The following GCNA variants were observed in gnomAD, a reference collection of about 807,000 sequenced individuals.
GCNA encodes the protein germ cell nuclear acidic peptidase.
Under a neutral mutation model 38.8 loss-of-function variants are expected in GCNA, and 3 were observed. The observed-to-expected ratio is 0.08, with a 90% CI of 0.04 to 0.20. The LOEUF (loss-of-function observed/expected upper bound fraction) is 0.20, where lower values mean the gene tolerates loss of function less well. Among genes scored for constraint, GCNA ranks in the 10% least tolerant of loss-of-function variants. The pLI is 1.00. For synonymous variants in GCNA, 195 were observed against 240.2 expected, an observed-to-expected ratio of 0.81 and a Z score of 1.74; for missense variants, 446 against 578.6, an observed-to-expected ratio of 0.77 and a Z score of 2.35.
chrX:71,585,695 GTTT>G (rs1412791012), intron 2 of GCNA, among the ~76,000 whole-genome samples: 4 of 108,925 alleles, frequency 3.7e-5, no homozygotes, highest in Non-Finnish European at 7.6e-5. Context: ...CTGTTAGCTT[GTTT>G]TTTACTTTGG....
chrX:71,601,174 T>C (rs1304067247), intron 7 of GCNA, among the ~76,000 whole-genome samples: 1 of 111,060 alleles, frequency 9.0e-6, no homozygotes, highest in Non-Finnish European at 1.9e-5. Context: ...TGAAACCCCG[T>C]CTCTACTAAA....
At chrX:71,601,128 G>A (rs2040711134) in intron 7 of GCNA, among the ~76,000 whole-genome samples, 1 of 111,578 alleles carries the variant, frequency 9.0e-6, no homozygotes, top group South Asian at 3.8e-4. Context: ...GGCGGATCAC[G>A]AGGTCAAGAG....
chrX:71,598,178 C>T lies in GCNA; in HGVS notation c.310+140C>T, dbSNP rs2040686445. On this transcript the variant is annotated intron_variant, in intron 7 of 12. Transcript: ENST00000373696. The stretch of plus-strand genomic sequence containing the variant: ...GCCACCGTTTCTTTCCTCGTATGTG[C>T]TGGCTGTGGATATGGCCGGGTTCCC... The T allele has an allele frequency of 6.5e-6, 3 of 458,369 alleles. No individual in the cohort carries two copies. The South Asian group carries it at 1.1e-4, about 16-fold the overall frequency. 37.8% of individuals were successfully genotyped at this position (458,369 alleles called of 1,213,427 possible).
chrX:71,597,081 G>A (rs1018747950), intron 6 of GCNA, among the ~76,000 whole-genome samples: 1 of 111,071 alleles, frequency 9.0e-6, no homozygotes, highest in Non-Finnish European at 1.9e-5. Flanking sequence ...GATGAGTGAG[G>A]AGGAGTGAAT....
chrX:71,579,118 T>C lies in GCNA; in HGVS notation c.-3+596T>C, dbSNP rs904091940. ...GAGCGTGTGGTGGCGCCAGTGGCTA[T>C]GTAGGAATACGTGGCGCCGGTGGCG... On this transcript the variant is annotated intron_variant, in intron 1 of 12. Coordinates refer to ENST00000373696, the MANE Select transcript of GCNA (RefSeq NM_052957.5). Among the ~76,000 whole-genome samples, 3 of 101,523 alleles carry C rather than the reference T, an allele frequency of 3.0e-5. No individual in the cohort carries two copies. In the Admixed American group the frequency reaches 3.1e-4, roughly 10 times the overall value. The allele number at this position is 101,523 out of a possible 115,157, so 88.2% of individuals were successfully genotyped here. A position where few individuals can be genotyped will look rare whatever the true frequency, so the allele number is the denominator to read the frequency against.
At chrX:71,589,273 CT>C (rs1486368214) in intron 2 of GCNA, among the ~76,000 whole-genome samples, 1 of 103,338 alleles carries the variant, frequency 9.7e-6, no homozygotes. Context: ...TGCATATATT[CT>C]TTTTTTTTAA....
intron 1 of GCNA, among the ~76,000 whole-genome samples, chrX:71,579,075 G>C (rs1024273170): frequency 9.3e-6 from 1 of 106,962 alleles, no homozygotes; most frequent in Non-Finnish European, 1.9e-5. Context: ...GGAAGTGGGA[G>C]CGCTGGTGGT....
chrX:71,602,142 A>G (rs761428634), intron 7 of GCNA, among the ~76,000 whole-genome samples: 3 of 111,819 alleles, frequency 2.7e-5, no homozygotes, highest in Non-Finnish European at 3.8e-5. Flanking sequence ...TTTTGGCTAA[A>G]AGCCATTTTA....
chrX:71,610,962 G>A, intron 11 of GCNA, 143 bp downstream of exon 11: 1 of 827,385 alleles, frequency 1.2e-6, no homozygotes, highest in Admixed American at 3.5e-5. Flanking sequence ...TTGCTTAGAG[G>A]ACATAGTTAT....
In GCNA at chrX:71,592,309, C is replaced by T. The variant is rs2040635190; in HGVS notation, c.106+141C>T. On this transcript the variant is annotated intron_variant, in intron 3 of 12. Transcript: ENST00000373696. ...TCTTTAGGTCGGTGAAATGAAATTT[C>T]CCTACTGTCAGGAGTGGAGGAGGTT... The T allele has an allele frequency of 7.9e-6, 4 of 507,561 alleles. No individual in the cohort carries two copies. In the East Asian group the frequency reaches 1.5e-4, roughly 19 times the overall value. The allele number at this position is 507,561 out of a possible 1,213,427, so 41.8% of individuals were successfully genotyped here. A position where few individuals can be genotyped will look rare whatever the true frequency, so the allele number is the denominator to read the frequency against.
chrX:71,608,033 G>A (rs2040780774), intron 9 of GCNA, among the ~76,000 whole-genome samples: 1 of 111,622 alleles, frequency 9.0e-6, no homozygotes, highest in Non-Finnish European at 1.9e-5. Flanking sequence ...ACCAGAGGGG[G>A]ACATTAATTG....
At chrX:71,612,283 GAAAAAA>G (rs756270122) in intron 11 of GCNA, 66 bp from the exon 12 acceptor site, 28 of 294,818 alleles carry the variant, frequency 9.5e-5, no homozygotes, top group Non-Finnish European at 1.0e-4. Context: ...CTCAAAAAAG[GAAAAAA>G]AAAAAAAAAA....
At chrX:71,610,868 C>T (rs371347550) in intron 11 of GCNA, 49 bp downstream of exon 11, 189 of 1,196,866 alleles carry the variant, frequency 1.6e-4, no homozygotes, top group Non-Finnish European at 2.1e-4. Flanking sequence ...TTCCTTCTGA[C>T]ACCGTGCCTG....
chrX:71,604,777 G>A, intron 8 of GCNA, 101 bp downstream of exon 8: 1 of 1,081,991 alleles, frequency 9.2e-7, no homozygotes, highest in Admixed American at 3.1e-5. Context: ...TCAACCCTGT[G>A]CCATTTCAGC....
intron 2 of GCNA, among the ~76,000 whole-genome samples, chrX:71,584,208 A>G (rs768226428): frequency 3.6e-5 from 4 of 111,202 alleles, no homozygotes; most frequent in Non-Finnish European, 7.5e-5. Context: ...AATCCAGTTT[A>G]TGAAGCCAAT....
chrX:71,610,006 G>A (rs1159011202), intron 10 of GCNA, among the ~76,000 whole-genome samples: 7 of 111,536 alleles, frequency 6.3e-5, no homozygotes, highest in African/African-American at 9.8e-5. Context: ...GAAGTGTTCT[G>A]AGTTGCCTTT....
chrX:71,580,999 A>G lies in GCNA; in HGVS notation c.59+119A>G, dbSNP rs180702149. On this transcript the variant is annotated intron_variant, in intron 2 of 12. Transcript: ENST00000373696. ...TGTAGAGCGTATAACTTGGTTTGTT[A>G]TAAAATGAGAATTGTAAAGAAGGAT... 120 of 675,548 alleles carry G rather than the reference A, an allele frequency of 1.8e-4. No individual in the cohort carries two copies. The East Asian group carries it at 4.6e-3, about 26-fold the overall frequency. The allele number at this position is 675,548 out of a possible 1,213,427, so 55.7% of individuals were successfully genotyped here.
intron 1 of GCNA, among the ~76,000 whole-genome samples, 182 bp downstream of exon 1, chrX:71,578,704 T>C (rs1277002174): frequency 2.7e-5 from 3 of 110,070 alleles, no homozygotes; most frequent in African/African-American, 6.6e-5. Flanking sequence ...AGTGGTAGCA[T>C]TGGGGGAGGT....
chrX:71,600,684 T>G (rs781634658), intron 7 of GCNA, among the ~76,000 whole-genome samples: 1 of 111,848 alleles, frequency 8.9e-6, no homozygotes, highest in Non-Finnish European at 1.9e-5. Flanking sequence ...TAAAAAATAA[T>G]TTTTCATTTT....
Sources: gnomAD v4.1 joint callset for allele counts (sites outside exome capture counted in the v4.1 genomes callset) on GRCh38, gnomAD v4.1.1 for gene constraint, MANE v1.5 for transcripts, NCBI Gene and HGNC (gene_info 2026-07-23, HGNC 2026-07-21) for gene names.